DYNC1I1: variants seen among roughly 807,000 people sequenced by gnomAD.
DYNC1I1 encodes dynein cytoplasmic 1 intermediate chain 1.
DYNC1I1 carries 43 observed loss-of-function variants against 86.6 expected under a neutral mutation model. That is an observed-to-expected ratio of 0.50 (90% CI 0.39 to 0.64). The LOEUF (loss-of-function observed/expected upper bound fraction) is 0.64, where lower values mean the gene tolerates loss of function less well. Ranked by LOEUF, DYNC1I1 falls within the 30% of genes least tolerant of loss-of-function variation. The probability of loss-of-function intolerance (pLI) is 0.00; values close to 1 mark genes in which losing one functional copy is unlikely to be tolerated. For synonymous variants in DYNC1I1, 262 were observed against 283.7 expected (o/e 0.92, Z 0.77); for missense variants, 604 against 788.8 (o/e 0.77, Z 2.81).
At chr7:95,931,514 AT>A (rs199807359) in intron 6 of DYNC1I1, among the ~76,000 whole-genome samples, 2 of 53,182 alleles carry the variant, frequency 3.8e-5, no homozygotes, top group African/African-American at 1.8e-4. Context: ...CACTTGACTT[AT>A]TTTCATCAGT....
At chr7:95,979,619 A>G (rs995525166) in intron 7 of DYNC1I1, among the ~76,000 whole-genome samples, 3 of 152,208 alleles carry the variant, frequency 2.0e-5, no homozygotes, top group Admixed American at 6.5e-5. Flanking sequence ...GGAACTTTCA[A>G]TAGAGATGCA....
chr7:95,790,456 G>A (rs191142872), intron 1 of DYNC1I1, among the ~76,000 whole-genome samples: 27 of 152,192 alleles, frequency 1.8e-4, no homozygotes, highest in Admixed American at 1.6e-3. Context: ...CTTTCCTCAG[G>A]TCTGGTCTTC....
At chr7:95,936,956 T>TCA (rs57989893) in intron 6 of DYNC1I1, among the ~76,000 whole-genome samples, 2,398 of 134,250 alleles carry the variant, frequency 0.018, 35 homozygotes, top group African/African-American at 0.046. Flanking sequence ...AGAATATGTC[T>TCA]CACACACACA....
At chr7:96,063,119 GTGTGTGTGTGTGTA>G (rs973851329) in intron 14 of DYNC1I1, among the ~76,000 whole-genome samples, 10 of 144,308 alleles carry the variant, frequency 6.9e-5, no homozygotes, top group South Asian at 4.7e-4. Context: ...GTGTGTGTGT[GTGTGTGTGTGTGTA>G]TGTGTGTGTT....
chr7:95,995,681 A>G (rs1050730791), intron 9 of DYNC1I1, among the ~76,000 whole-genome samples: 4 of 152,190 alleles, frequency 2.6e-5, no homozygotes, highest in African/African-American at 9.7e-5. Flanking sequence ...AGAGGAAGGG[A>G]GTAGCACAAA....
intron 7 of DYNC1I1, among the ~76,000 whole-genome samples, chr7:95,982,933 A>G (rs1355871635): frequency 6.6e-6 from 1 of 152,168 alleles, no homozygotes; most frequent in East Asian, 1.9e-4. Context: ...TTGCTACTTC[A>G]TTAGTAATTA....
chr7:95,804,953 A>G, intron 2 of DYNC1I1, 116 bp downstream of exon 2: 2 of 1,414,458 alleles, frequency 1.4e-6, no homozygotes, highest in Non-Finnish European at 1.8e-6. Flanking sequence ...ATATCTGAAT[A>G]AAATGATTAT....
rs549185688 is a variant in DYNC1I1 at position 95,842,257 on chromosome 7, C to T, written c.374+14141C>T. Among the ~76,000 whole-genome samples the T allele has an allele frequency of 9.2e-5, 14 of 152,224 alleles. 1 individual carries two copies. Among genetic ancestry groups the T allele is most frequent in the African/African-American group, 2.9e-4 (12 of 41,532 alleles). ...CCGTGGACGGAGAGACAGCTAATGC[C>T]CAAAGTTCTCTCGGCCCCTAGGAAG... On this transcript the variant is annotated intron_variant, in intron 5 of 16. Coordinates refer to ENST00000447467, the MANE Select transcript of DYNC1I1 (RefSeq NM_001135556.2).
At chr7:95,895,565 TC>T (rs1790860650) in intron 6 of DYNC1I1, among the ~76,000 whole-genome samples, 1 of 152,214 alleles carries the variant, frequency 6.6e-6, no homozygotes, top group South Asian at 2.1e-4. Flanking sequence ...CATTAGCAGT[TC>T]CTGGGCCGAA....
chr7:95,794,299 T>C (rs557261256), intron 1 of DYNC1I1, among the ~76,000 whole-genome samples: 2 of 152,268 alleles, frequency 1.3e-5, no homozygotes, highest in South Asian at 2.1e-4. Flanking sequence ...CCATCTTTAG[T>C]TTTATACTCT....
At chr7:96,025,605 C>A (rs1343723576) in intron 10 of DYNC1I1, among the ~76,000 whole-genome samples, 1 of 151,932 alleles carries the variant, frequency 6.6e-6, no homozygotes, top group Non-Finnish European at 1.5e-5. Context: ...GAGATGGGGG[C>A]TTTTGTGACA....
chr7:96,025,080 T>C (rs1794644911), intron 10 of DYNC1I1, among the ~76,000 whole-genome samples: 1 of 152,280 alleles, frequency 6.6e-6, no homozygotes, highest in African/African-American at 2.4e-5. Context: ...AGGAAACTTT[T>C]GGATGAAAAA....
At chr7:95,817,317 T>C (rs1442203503) in intron 4 of DYNC1I1, among the ~76,000 whole-genome samples, 1 of 152,174 alleles carries the variant, frequency 6.6e-6, no homozygotes, top group Admixed American at 6.5e-5. Flanking sequence ...CTCAAGTTCA[T>C]ACAGAGTGTT....
At chr7:95,870,650 A>C (rs1262479826) in intron 6 of DYNC1I1, among the ~76,000 whole-genome samples, 1 of 152,270 alleles carries the variant, frequency 6.6e-6, no homozygotes, top group Non-Finnish European at 1.5e-5. Context: ...AACTCCACAT[A>C]GGTGAATGGA....
rs1053387668 is a variant in DYNC1I1 at position 96,082,891 on chromosome 7, G to A, written c.1776+2403G>A. 3.9e-5 allele frequency among the ~76,000 whole-genome samples: 6 copies of A among 152,006 alleles called. No individual in the cohort carries two copies. In the East Asian group the frequency reaches 9.6e-4, roughly 24 times the overall value. On this transcript the variant is annotated intron_variant, in intron 16 of 16. Transcript: ENST00000447467. ...TTGTTATACTCATATTTGTACTATC[G>A]TACTGGCAGGTCAGGCTGGTTTTCA...
chr7:95,805,270 G>C (rs1163567370), intron 2 of DYNC1I1, among the ~76,000 whole-genome samples: 1 of 151,954 alleles, frequency 6.6e-6, no homozygotes. Context: ...TTAAGAAAAG[G>C]GTTTTTTGAA....
intron 6 of DYNC1I1, among the ~76,000 whole-genome samples, chr7:95,922,186 ATT>A (rs916953161): frequency 1.3e-5 from 2 of 151,460 alleles, no homozygotes; most frequent in African/African-American, 4.9e-5. Flanking sequence ...TTTCTTCAGG[ATT>A]TTTTTTTCTT....
At chr7:96,037,151 T>C (rs989935679) in intron 13 of DYNC1I1, among the ~76,000 whole-genome samples, 4 of 152,176 alleles carry the variant, frequency 2.6e-5, no homozygotes, top group African/African-American at 4.8e-5. Context: ...GTTCTGCACG[T>C]AGAAACAAGC....
intron 4 of DYNC1I1, among the ~76,000 whole-genome samples, chr7:95,816,619 G>C (rs993232075): frequency 6.8e-6 from 1 of 148,140 alleles, no homozygotes; most frequent in Admixed American, 6.8e-5. Context: ...GAAAAGGTTA[G>C]TTTGAAGGGT....
Sources: allele counts gnomAD v4.1 joint callset (sites outside exome capture counted in the v4.1 genomes callset), GRCh38; gene constraint gnomAD v4.1.1; transcripts MANE v1.5; gene names NCBI Gene and HGNC (gene_info 2026-07-23, HGNC 2026-07-21).